PIEZO2: variants seen among roughly 807,000 people sequenced by gnomAD.
The protein encoded by PIEZO2 is piezo type mechanosensitive ion channel component 2.
A neutral mutation model predicts 337.3 loss-of-function variants in PIEZO2; 172 were observed. That is an observed-to-expected ratio of 0.51 (90% CI 0.45 to 0.58). The LOEUF is 0.58. Among genes scored for constraint, PIEZO2 ranks in the 20% least tolerant of loss-of-function variants. PIEZO2 has a pLI of 0.00. For synonymous variants in PIEZO2, 1,251 were observed against 1,228.5 expected (o/e 1.02, Z -0.38); for missense variants, 3,028 against 3,391.3 (o/e 0.89, Z 2.66).
At chr18:10,710,358 C>T (rs1031797285) in intron 39 of PIEZO2, among the ~76,000 whole-genome samples, 17 of 152,114 alleles carry the variant, frequency 1.1e-4, no homozygotes, top group Admixed American at 8.5e-4. Context: ...CCCAAGGGGA[C>T]GGCTGCCATC....
At chr18:10,944,381 T>G (rs1032855555) in intron 3 of PIEZO2, among the ~76,000 whole-genome samples, 2 of 151,368 alleles carry the variant, frequency 1.3e-5, no homozygotes, top group African/African-American at 4.8e-5. Flanking sequence ...ATTGATGAAA[T>G]CATCAGTTAT....
At chr18:10,928,482 G>C (rs1278041401) in intron 3 of PIEZO2, among the ~76,000 whole-genome samples, 2 of 152,220 alleles carry the variant, frequency 1.3e-5, no homozygotes, top group African/African-American at 2.4e-5. Context: ...CCCTTTTGAG[G>C]GGAGGGAGCC....
In PIEZO2 at chr18:10,773,585, T is replaced by G. The variant is rs1011220317; in HGVS notation, c.2612A>C (p.His871Pro). 10 of 1,537,356 alleles carry G rather than the reference T, an allele frequency of 6.5e-6. No individual in the cohort carries two copies. Among genetic ancestry groups the G allele is most frequent in the Non-Finnish European group, 8.7e-6 (10 of 1,146,944 alleles). The change falls in exon 20 of 56, where the codon CAT becomes CCT. Residue 871 changes from histidine (H) to proline (P), a missense_variant. His to Pro is a moderately conservative substitution (Grantham distance 77). Around this residue, in one of 5 missense-constraint regions of PIEZO2, gnomAD observed 1,925 missense variants for 2,051.9 expected, o/e 0.94. Coordinates refer to ENST00000674853, the MANE Select transcript of PIEZO2 (RefSeq NM_001378183.1). The surrounding 1 kb of genome is among the most constrained non-coding windows in gnomAD (Gnocchi z 5.3). ...EGSLPDLTMMHLTASLEKPEV... is the reference protein window; with the variant it reads ...EGSLPDLTMMPLTASLEKPEV... ...CGGCTTCTCCAGGCTGGCAGTCAGA[T>G]GCATCATGGTGAGGTCCGGGAGGCT...
chr18:11,030,395 T>C (rs910720197), intron 2 of PIEZO2, among the ~76,000 whole-genome samples: 5 of 152,106 alleles, frequency 3.3e-5, no homozygotes, highest in Non-Finnish European at 5.9e-5. Context: ...GGAGACCATG[T>C]TTCATTAGTT....
At chr18:10,860,644 A>C (rs1304543602) in intron 5 of PIEZO2, among the ~76,000 whole-genome samples, 1 of 152,246 alleles carries the variant, frequency 6.6e-6, no homozygotes, top group Non-Finnish European at 1.5e-5. Context: ...CAAAACCTTT[A>C]GTCATTGCAC....
In PIEZO2 at chr18:10,901,434, A is replaced by ATG. The variant is rs1568180437; in HGVS notation, c.329+9751_329+9752insCA. 2.4e-3 allele frequency among the ~76,000 whole-genome samples: 321 copies of ATG among 132,080 alleles called. 1 individual carries two copies. The highest frequency in any genetic ancestry group is 0.011 in the African/African-American group (309 of 28,790). The allele number at this position is 132,080 out of a possible 152,430, so 86.6% of individuals were successfully genotyped here. A position where few individuals can be genotyped will look rare whatever the true frequency, so the allele number is the denominator to read the frequency against. On this transcript the variant is annotated intron_variant, in intron 4 of 55. Transcript: ENST00000674853. Reference sequence around the variant, plus strand: ...CTTCTATTCACACACACACACGCACACACACACACACACACACACACACAC... The same window carrying ATG: ...CTTCTATTCACACACACACACGCACATGCACACACACACACACACACACACAC...
In PIEZO2 at chr18:10,695,144, T is replaced by C. The variant is rs145666082; in HGVS notation, c.7190+930A>G. On this transcript the variant is annotated intron_variant, in intron 47 of 55. Transcript: ENST00000674853. The stretch of plus-strand genomic sequence containing the variant: ...TTTATAAAACTCCACTTTGTTTTTC[T>C]TTGCCGAAATGACCAGATCATTTGT... Among the ~76,000 whole-genome samples the C allele has an allele frequency of 3.6e-3, 554 of 152,378 alleles. 2 individuals are homozygous for C. The highest frequency in any genetic ancestry group is 0.013 in the African/African-American group (534 of 41,586).
At chr18:10,984,747 A>C (rs1398178048) in intron 2 of PIEZO2, among the ~76,000 whole-genome samples, 3 of 152,126 alleles carry the variant, frequency 2.0e-5, no homozygotes, top group African/African-American at 7.2e-5. Flanking sequence ...AGCCCAAAGG[A>C]TTCTAAAGAG....
In PIEZO2 at chr18:11,126,603, T is replaced by C. The variant is rs2040190746; in HGVS notation, c.64+21922A>G. 6.6e-6 allele frequency among the ~76,000 whole-genome samples: 1 copy of C among 151,602 alleles called. No individual in the cohort carries two copies. The highest frequency in any genetic ancestry group is 2.4e-5 in the African/African-American group (1 of 41,264). On this transcript the variant is annotated intron_variant, in intron 1 of 55. Coordinates refer to ENST00000674853, the MANE Select transcript of PIEZO2 (RefSeq NM_001378183.1). The surrounding 1 kb of genome is among the most constrained non-coding windows in gnomAD (Gnocchi z 4.6). ...TGAACTATCTATGGTTTAAAGAGGATCTCAAGAGCAGGAGCCATGCCTTAC... is the reference window on the plus strand; with the variant it reads ...TGAACTATCTATGGTTTAAAGAGGACCTCAAGAGCAGGAGCCATGCCTTAC...
At position 10,722,774 on chromosome 18, in the gene PIEZO2, G is replaced by C. The variant is rs192229238; in HGVS notation, c.5030-4515C>G. On this transcript the variant is annotated intron_variant, in intron 36 of 55. Transcript: ENST00000674853. ...TCTGAGCTAACGTATTTAAAACCAC[G>C]AGAGTGGATGAGAACACCTAGCGGG... is the stretch of plus-strand genomic sequence containing the variant. Among the ~76,000 whole-genome samples, 210 of 152,226 alleles carry C rather than the reference G, an allele frequency of 1.4e-3. 3 individuals are homozygous for C. Among genetic ancestry groups the C allele is most frequent in the South Asian group, 4.4e-3 (21 of 4,822 alleles).
At chr18:11,119,309 T>G (rs2039971314) in intron 1 of PIEZO2, among the ~76,000 whole-genome samples, 4 of 152,014 alleles carry the variant, frequency 2.6e-5, no homozygotes, top group Non-Finnish European at 5.9e-5. Flanking sequence ...CCAGCTAATT[T>G]TTGTATTTTT....
intron 2 of PIEZO2, among the ~76,000 whole-genome samples, chr18:11,041,815 T>C (rs1261715322): frequency 3.3e-5 from 5 of 152,220 alleles, no homozygotes; most frequent in Admixed American, 3.3e-4. Context: ...TATTGAAATC[T>C]CCAGCAGAGT....
rs1485749828 is a variant in PIEZO2, at chr18:11,099,033, G to A, written c.65-32811C>T. ...TTGCCTAGGCTGTCTCAAACTCCTT[G>A]GCTCAAGAGATCCTCTTGCCTCAGC... On this transcript the variant is annotated intron_variant, in intron 1 of 55. Transcript: ENST00000674853. The surrounding 1 kb of genome is among the most constrained non-coding windows in gnomAD (Gnocchi z 5.4). Among the ~76,000 whole-genome samples the A allele has an allele frequency of 1.4e-5, 2 of 146,476 alleles. No homozygotes were observed. Among genetic ancestry groups the A allele is most frequent in the African/African-American group, 2.5e-5 (1 of 39,412 alleles).
chr18:11,075,626 C>A (rs957879901), intron 1 of PIEZO2, among the ~76,000 whole-genome samples: 4 of 152,146 alleles, frequency 2.6e-5, no homozygotes, highest in South Asian at 2.1e-4. Context: ...AAAATTATTT[C>A]TTCAAGAAGG....
chr18:11,054,202 T>C (rs1002180707), intron 2 of PIEZO2, among the ~76,000 whole-genome samples: 1 of 152,218 alleles, frequency 6.6e-6, no homozygotes, highest in Non-Finnish European at 1.5e-5. Flanking sequence ...CAGTATTACA[T>C]ACTTAAATAA....
Position 10,862,503 on chromosome 18 carries a change from A to AAT in PIEZO2, c.493-5293_493-5292insAT, listed in dbSNP as rs2041902506. ...ACCCTACAGCAGTACTGGTTCCATT[A>AAT]AGCCGTGGCATCCACCATGATTTCC... On this transcript the variant is annotated intron_variant, in intron 5 of 55. Transcript: ENST00000674853. The surrounding 1 kb of genome is among the most constrained non-coding windows in gnomAD (Gnocchi z 4.4). 1.3e-5 allele frequency among the ~76,000 whole-genome samples: 2 copies of AAT among 152,196 alleles called. No individual in the cohort carries two copies. Among genetic ancestry groups the AAT allele is most frequent in the Non-Finnish European group, 2.9e-5 (2 of 68,040 alleles).
At chr18:11,068,416 G>A (rs113489695) in intron 1 of PIEZO2, among the ~76,000 whole-genome samples, 1 of 152,092 alleles carries the variant, frequency 6.6e-6, no homozygotes, top group East Asian at 1.9e-4. Flanking sequence ...TAAACAACAC[G>A]CTCCTAAACA....
chr18:10,714,146 G>A (rs1176961732), intron 39 of PIEZO2, among the ~76,000 whole-genome samples: 1 of 152,132 alleles, frequency 6.6e-6, no homozygotes, highest in East Asian at 1.9e-4. Flanking sequence ...TTGCAAAACA[G>A]GGATAATAAT....
rs566777802 is a variant in PIEZO2 at position 10,972,258 on chromosome 18, C to T, written c.286+7277G>A. On this transcript the variant is annotated intron_variant, in intron 3 of 55. Transcript: ENST00000674853. ...CATGAAAATGTTAGTTCATTTTCCT[C>T]CTAACTCTTCCATCATGTTCCTCTT... Among the ~76,000 whole-genome samples the T allele has an allele frequency of 2.4e-4, 37 of 151,940 alleles. No homozygotes were observed. In the South Asian group the frequency reaches 5.2e-3, roughly 21 times the overall value.
Sources: gnomAD v4.1 joint callset for allele counts (sites outside exome capture counted in the v4.1 genomes callset) on GRCh38, gnomAD v4.1.1 for gene constraint, gnomAD v4.1.1 regional missense constraint, Gnocchi (gnomAD v3.1) non-coding constraint, MANE v1.5 for transcripts, NCBI Gene and HGNC (gene_info 2026-07-23, HGNC 2026-07-21) for gene names.